The following PTK2 variants were observed in gnomAD, a reference collection of about 807,000 sequenced individuals.
The protein encoded by PTK2 is focal adhesion kinase 1.
In PTK2, 45 loss-of-function variants were observed where a neutral mutation model predicts 150.1. The ratio of observed to expected loss-of-function variants is 0.30; its 90% confidence interval spans 0.24 to 0.38. PTK2 has a LOEUF of 0.38. Ranked by LOEUF, PTK2 falls within the 10% of genes least tolerant of loss-of-function variation. The pLI is 1.00. For synonymous variants in PTK2, 432 were observed against 449.2 expected, an observed-to-expected ratio of 0.96 and a Z score of 0.48; for missense variants, 919 against 1,307.3, an observed-to-expected ratio of 0.70 and a Z score of 4.58.
At chr8:140,677,555 T>TG (rs1370759927) in intron 27 of PTK2, among the ~76,000 whole-genome samples, 1 of 152,240 alleles carries the variant, frequency 6.6e-6, no homozygotes. Context: ...AATAATGAAC[T>TG]GGCTAATAGA....
At chr8:140,979,084 G>A (rs1474006380) in intron 1 of PTK2, among the ~76,000 whole-genome samples, 4 of 137,696 alleles carry the variant, frequency 2.9e-5, no homozygotes, top group African/African-American at 8.1e-5. Flanking sequence ...CACAGGAAGG[G>A]GAACATCACA....
At chr8:140,739,176 G>T in intron 20 of PTK2, 69 bp from the exon 24 acceptor site, 2 of 1,000,016 alleles carry the variant, frequency 2.0e-6, no homozygotes, top group South Asian at 2.2e-5. Context: ...AGCTAGCTGA[G>T]ATTTTCAGTA....
intron 14 of PTK2, 117 bp from the exon 17 acceptor site, chr8:140,764,407 T>C: frequency 1.3e-6 from 1 of 772,440 alleles, no homozygotes; most frequent in Non-Finnish European, 2.1e-6. Flanking sequence ...TGAAATATTC[T>C]TAAAACACTA....
At chr8:140,966,466 C>A (rs1188563134) in intron 1 of PTK2, among the ~76,000 whole-genome samples, 2 of 151,844 alleles carry the variant, frequency 1.3e-5, no homozygotes, top group African/African-American at 4.9e-5. Context: ...CATGTTGAAT[C>A]CTGTTTTAGC....
chr8:140,691,668 T>G (rs1306821676), intron 26 of PTK2, among the ~76,000 whole-genome samples: 1 of 152,200 alleles, frequency 6.6e-6, no homozygotes, highest in East Asian at 1.9e-4. Context: ...TCTAGTGAAC[T>G]GATTGTCCAT....
At chr8:140,953,497 G>A (rs565288148) in intron 1 of PTK2, among the ~76,000 whole-genome samples, 1 of 152,312 alleles carries the variant, frequency 6.6e-6, no homozygotes, top group South Asian at 2.1e-4. Context: ...ACACAGTGTG[G>A]TGGATATGCT....
intron 14 of PTK2, 136 bp downstream of exon 14, chr8:140,789,338 T>C: frequency 1.3e-6 from 1 of 775,484 alleles, no homozygotes; most frequent in South Asian, 3.4e-5. Context: ...ATGGTAAAAT[T>C]ATGCAAATTT....
At chr8:140,991,174 T>C (rs2100195582) in intron 1 of PTK2, among the ~76,000 whole-genome samples, 1 of 152,220 alleles carries the variant, frequency 6.6e-6, no homozygotes. Context: ...TGTATTGAAT[T>C]TAGGCAATAA....
At chr8:140,718,925 C>T (rs2100041254) in intron 22 of PTK2, among the ~76,000 whole-genome samples, 1 of 152,190 alleles carries the variant, frequency 6.6e-6, no homozygotes, top group African/African-American at 2.4e-5. Context: ...CGCCTGTAAT[C>T]CCAGCACTTT....
intron 20 of PTK2, among the ~76,000 whole-genome samples, chr8:140,739,712 C>T (rs2100054596): frequency 6.6e-6 from 1 of 152,170 alleles, no homozygotes; most frequent in African/African-American, 2.4e-5. Flanking sequence ...GCCCCACTAA[C>T]AGGTGCCAGA....
chr8:140,964,514 A>G (rs897174253), intron 1 of PTK2, among the ~76,000 whole-genome samples: 1 of 146,090 alleles, frequency 6.8e-6, no homozygotes, highest in African/African-American at 2.6e-5. Context: ...AGTAGTTGGG[A>G]CCACAGGTGG....
At chr8:140,891,895 T>C (rs2100154378) in intron 2 of PTK2, among the ~76,000 whole-genome samples, 1 of 152,040 alleles carries the variant, frequency 6.6e-6, no homozygotes, top group Non-Finnish European at 1.5e-5. Context: ...AAACCTGGAG[T>C]ACAATTCCTG....
chr8:140,762,154 C>T (rs544332510), intron 15 of PTK2, among the ~76,000 whole-genome samples: 2 of 152,104 alleles, frequency 1.3e-5, no homozygotes, highest in Non-Finnish European at 2.9e-5. Context: ...CCTGGTTTAT[C>T]AAATTATAAA....
chr8:140,686,787 T>C lies in PTK2; in HGVS notation c.2500-93A>G, dbSNP rs576416397. ...TTAAATTCCTTCCTTTTTAACACAATTGTCCTCTGAATAAGAAGAGTTGAA... is the reference window on the plus strand; with the variant it reads ...TTAAATTCCTTCCTTTTTAACACAACTGTCCTCTGAATAAGAAGAGTTGAA... On this transcript the variant is annotated intron_variant, in intron 26 of 31. Coordinates refer to ENST00000522684, the Ensembl canonical transcript of PTK2. The C allele has an allele frequency of 3.7e-6, 4 of 1,079,356 alleles. No homozygotes were observed. The African/African-American group carries it at 4.8e-5, about 13-fold the overall frequency. The allele number at this position is 1,079,356 out of a possible 1,614,324, so 66.9% of individuals were successfully genotyped here.
chr8:140,782,254 T>TTTTGGG (rs567880304), intron 14 of PTK2, among the ~76,000 whole-genome samples: 1 of 138,086 alleles, frequency 7.2e-6, no homozygotes, highest in African/African-American at 2.8e-5. Context: ...TTTTTTTTTT[T>TTTTGGG]GGGGGGGGGG....
intron 2 of PTK2, among the ~76,000 whole-genome samples, chr8:140,903,680 G>A (rs1340375631): frequency 1.3e-5 from 2 of 152,086 alleles, no homozygotes; most frequent in African/African-American, 4.8e-5. Flanking sequence ...TTATTTCCAT[G>A]AGCAGTGGTT....
intron 1 of PTK2, among the ~76,000 whole-genome samples, chr8:140,953,903 C>T (rs1227391923): frequency 6.6e-6 from 1 of 152,086 alleles, no homozygotes; most frequent in East Asian, 1.9e-4. Flanking sequence ...CATTACCACA[C>T]CTGACAATTT....
At chr8:140,719,808 T>G (rs1352300447) in intron 22 of PTK2, among the ~76,000 whole-genome samples, 1 of 143,326 alleles carries the variant, frequency 7.0e-6, no homozygotes, top group African/African-American at 2.7e-5. Context: ...ATCGCTTGAG[T>G]CCGGGAGGTG....
At position 140,760,277 on chromosome 8, in the gene PTK2, T is replaced by C. The variant is rs950716542; in HGVS notation, c.1332+888A>G. Among the ~76,000 whole-genome samples the C allele has an allele frequency of 1.4e-4, 21 of 152,226 alleles. No homozygotes were observed. The East Asian group carries it at 3.7e-3, about 27-fold the overall frequency. On this transcript the variant is annotated intron_variant, in intron 16 of 31. Transcript: ENST00000522684. ...ATATATATCCACAGAAAAACTCATA[T>C]ATGAATGTTCACAGAAACATTTTAA... is the stretch of plus-strand genomic sequence containing the variant.
Sources: gnomAD v4.1 joint callset for allele counts (sites outside exome capture counted in the v4.1 genomes callset) on GRCh38, gnomAD v4.1.1 for gene constraint, MANE v1.5 for transcripts, NCBI Gene and HGNC (gene_info 2026-07-23, HGNC 2026-07-21) for gene names.